The following OSBPL8 variants were observed in gnomAD, a reference collection of about 807,000 sequenced individuals.
OSBPL8 encodes oxysterol binding protein like 8.
Under a neutral mutation model 125.5 loss-of-function variants are expected in OSBPL8, and 59 were observed. The observed-to-expected ratio is 0.47, with a 90% CI of 0.38 to 0.58. The LOEUF is 0.58. Ranked by LOEUF, OSBPL8 falls within the 20% of genes least tolerant of loss-of-function variation. The pLI, the probability that OSBPL8 is intolerant of heterozygous loss-of-function variation, is 0.00. For synonymous variants in OSBPL8, 330 were observed against 338.9 expected (o/e 0.97, Z 0.29); for missense variants, 758 against 1,047.8 (o/e 0.72, Z 3.82).
rs1953354194 is a variant in OSBPL8 at position 76,387,277 on chromosome 12, G to A, written c.1353-617C>T. On this transcript the variant is annotated intron_variant, in intron 12 of 23. Coordinates refer to ENST00000261183, the MANE Select transcript of OSBPL8 (RefSeq NM_020841.5). Reference sequence around the variant, plus strand: ...TCTAAATATAGGATTTTATGGGTATGCAGTCCTTAGTACAAAACACAGAAG... The same window carrying A: ...TCTAAATATAGGATTTTATGGGTATACAGTCCTTAGTACAAAACACAGAAG... Among the ~76,000 whole-genome samples the A allele has an allele frequency of 2.0e-5, 3 of 152,280 alleles. No homozygotes were observed. The South Asian group carries it at 6.2e-4, about 32-fold the overall frequency.
At chr12:76,466,198 A>AT (rs1875411379) in intron 2 of OSBPL8, among the ~76,000 whole-genome samples, 1 of 152,020 alleles carries the variant, frequency 6.6e-6, no homozygotes, top group Admixed American at 6.6e-5. Flanking sequence ...TTTTACTTAT[A>AT]TTTTTCTGTA....
At chr12:76,476,698 G>T (rs1325105953) in intron 2 of OSBPL8, among the ~76,000 whole-genome samples, 1 of 152,072 alleles carries the variant, frequency 6.6e-6, no homozygotes, top group African/African-American at 2.4e-5. Flanking sequence ...AGGCATAAAA[G>T]ATTTAAATAG....
chr12:76,474,609 G>A (rs1286935792), intron 2 of OSBPL8, among the ~76,000 whole-genome samples: 4 of 152,060 alleles, frequency 2.6e-5, no homozygotes, highest in Admixed American at 6.6e-5. Context: ...AGCCTCTTGA[G>A]TAGCTGGGAC....
Position 76,379,567 on chromosome 12 carries a change from T to C in OSBPL8, c.1631-1017A>G, listed in dbSNP as rs547102903. Among the ~76,000 whole-genome samples the C allele has an allele frequency of 1.9e-4, 29 of 152,314 alleles. No homozygotes were observed. In the East Asian group the frequency reaches 5.6e-3, roughly 29 times the overall value. Reference sequence around the variant, plus strand: ...TAGCCCCAGGACACCAATGGTGCATTTTAAATCACTGGCTTTACCTATTCT... The same window carrying C: ...TAGCCCCAGGACACCAATGGTGCATCTTAAATCACTGGCTTTACCTATTCT... On this transcript the variant is annotated intron_variant, in intron 15 of 23. Transcript: ENST00000261183.
In OSBPL8 at chr12:76,410,630, A is replaced by T. The variant is rs1345496468; in HGVS notation, c.222T>A (p.Phe74Leu). The change falls in exon 5 of 24, where the codon TTT becomes TTA. Residue 74 changes from phenylalanine (F) to leucine (L), a missense_variant. By Grantham distance (22) the Phe-to-Leu change is conservative. Coordinates refer to ENST00000261183, the MANE Select transcript of OSBPL8 (RefSeq NM_020841.5). ...GAGAAATATCTTCCTTCCCTCTTTC[A>T]AAACCTTAAAAAAATAGTCAGCATA... The part of the protein sequence containing the change: ...LSPASPHSQG[F>L]ERGKEDISQN... The T allele has an allele frequency of 1.3e-6, 2 of 1,595,528 alleles. No individual in the cohort carries two copies. The highest frequency in any genetic ancestry group is 2.7e-5 in the African/African-American group (2 of 74,546).
intron 5 of OSBPL8, among the ~76,000 whole-genome samples, chr12:76,405,911 C>G (rs1954242984): frequency 6.6e-6 from 1 of 152,006 alleles, no homozygotes; most frequent in East Asian, 1.9e-4. Flanking sequence ...ATATTTTTTA[C>G]TTCTTTCCTT....
At position 76,389,839 on chromosome 12, in the gene OSBPL8, T is replaced by G; in HGVS notation, c.1168-10A>C. 6.8e-6 allele frequency: 10 copies of G among 1,468,184 alleles called. No individual in the cohort carries two copies. Among genetic ancestry groups the G allele is most frequent in the Non-Finnish European group, 9.1e-6 (10 of 1,103,214 alleles). 90.9% of individuals were successfully genotyped at this position (1,468,184 alleles called of 1,614,324 possible). ...GAGAAGCCTCACCTGCCTTTATCAA[T>G]TAATGAAAATTACCAAAACATTATA... On this transcript the variant is annotated splice_polypyrimidine_tract_variant and intron_variant, in intron 11 of 23. Transcript: ENST00000261183.
chr12:76,422,720 G>A, intron 4 of OSBPL8: 1 of 414,072 alleles, frequency 2.4e-6, no homozygotes, highest in Non-Finnish European at 4.9e-6. Flanking sequence ...GCAAAGACAG[G>A]CTTTTCTCTC....
intron 1 of OSBPL8, among the ~76,000 whole-genome samples, chr12:76,558,619 T>C (rs553606786): frequency 2.0e-5 from 3 of 152,370 alleles, no homozygotes; most frequent in African/African-American, 7.2e-5. Context: ...AGTTACCTAT[T>C]ATTTCAGAAA....
At position 76,392,652 on chromosome 12, in the gene OSBPL8, T is replaced by C; in HGVS notation, c.858A>G (p.Ser286=). The part of the protein sequence containing the change: ...REGKEHDLSV[S]SDSTHVTFYG... ...AGAAAGTCACATGTGTGCTATCTGA[T>C]GAAACGCTCAGGTCATGTTCCTTTC... The change falls in exon 10 of 24, where the codon TCA becomes TCG. Residue 286 remains serine (S), a synonymous_variant. Coordinates refer to ENST00000261183, the MANE Select transcript of OSBPL8 (RefSeq NM_020841.5). The C allele has an allele frequency of 6.2e-7, 1 of 1,614,110 alleles. No homozygotes were observed. The highest frequency in any genetic ancestry group is 1.1e-5 in the South Asian group (1 of 91,080).
At chr12:76,513,887 T>C (rs1388694575) in intron 1 of OSBPL8, among the ~76,000 whole-genome samples, 1 of 151,998 alleles carries the variant, frequency 6.6e-6, no homozygotes, top group African/African-American at 2.4e-5. Flanking sequence ...TTTATCCAGT[T>C]TGTTGCTCTG....
chr12:76,461,692 C>T (rs1322215492), intron 2 of OSBPL8, among the ~76,000 whole-genome samples: 1 of 152,128 alleles, frequency 6.6e-6, no homozygotes, highest in African/African-American at 2.4e-5. Context: ...CCACCTCAGC[C>T]TCCCAAAGTG....
chr12:76,436,607 TATA>T (rs972263874), intron 4 of OSBPL8, among the ~76,000 whole-genome samples: 3 of 152,082 alleles, frequency 2.0e-5, no homozygotes, highest in Admixed American at 2.0e-4. Flanking sequence ...ACTATAATCT[TATA>T]ATAAAGGACA....
chr12:76,394,438 T>G (rs1293951598), intron 9 of OSBPL8, among the ~76,000 whole-genome samples: 5 of 152,220 alleles, frequency 3.3e-5, no homozygotes, highest in Non-Finnish European at 7.4e-5. Flanking sequence ...CTGCTAACTC[T>G]TCAGTAAATC....
At chr12:76,373,474 A>G in intron 17 of OSBPL8, 41 bp from the exon 18 acceptor site, 1 of 1,419,014 alleles carries the variant, frequency 7.0e-7, no homozygotes, top group Admixed American at 1.9e-5. Context: ...CTTTTCACTT[A>G]TATTTACATA....
intron 1 of OSBPL8, among the ~76,000 whole-genome samples, chr12:76,500,241 G>A (rs1879764205): frequency 6.6e-6 from 1 of 152,142 alleles, no homozygotes; most frequent in Admixed American, 6.6e-5. Flanking sequence ...CTTTGTGTCA[G>A]CCAAATTGAG....
intron 15 of OSBPL8, 23 bp from the exon 16 acceptor site, chr12:76,378,573 A>G: frequency 6.7e-7 from 1 of 1,495,942 alleles, no homozygotes; most frequent in Non-Finnish European, 9.2e-7. Context: ...GTTGTTTATT[A>G]AATTTCACAA....
intron 1 of OSBPL8, among the ~76,000 whole-genome samples, chr12:76,555,110 C>T (rs1951053973): frequency 6.6e-6 from 1 of 152,142 alleles, no homozygotes; most frequent in Admixed American, 6.5e-5. Context: ...ATCTTCATGG[C>T]TTATAGTCAC....
chr12:76,440,262 T>C (rs1415399522), intron 4 of OSBPL8, among the ~76,000 whole-genome samples: 3 of 152,194 alleles, frequency 2.0e-5, no homozygotes, highest in African/African-American at 7.2e-5. Flanking sequence ...GTACCTCATG[T>C]GGATTCTCTC....
Sources: allele counts gnomAD v4.1 joint callset (sites outside exome capture counted in the v4.1 genomes callset), GRCh38; gene constraint gnomAD v4.1.1; transcripts MANE v1.5; gene names NCBI Gene and HGNC (gene_info 2026-07-23, HGNC 2026-07-21).